Variants in LINGO1 observed in about 807,000 individuals in gnomAD.
The protein encoded by LINGO1 is leucine rich repeat and Ig domain containing 1, also known as leucine-rich repeat and immunoglobulin-like domain-containing nogo receptor-interacting protein 1.
In LINGO1, 11 loss-of-function variants were observed where a neutral mutation model predicts 37.3. The ratio of observed to expected loss-of-function variants is 0.29; its 90% CI spans 0.19 to 0.49. LINGO1 has a LOEUF of 0.49. LINGO1 is among the 20% of genes least tolerant of loss of function. The pLI, the probability that LINGO1 is intolerant of heterozygous loss-of-function variation, is 0.99. For synonymous variants in LINGO1, 387 were observed against 403.0 expected (o/e 0.96, Z 0.48); for missense variants, 585 against 878.2 (o/e 0.67, Z 4.22).
intron 3 of LINGO1, among the ~76,000 whole-genome samples, chr15:77,664,130 A>AGT (rs774494605): frequency 0.065 from 8,432 of 130,226 alleles, 317 homozygotes; most frequent in East Asian, 0.18. Flanking sequence ...ACACAGGAGC[A>AGT]GTGTGTGTGT....
upstream of LINGO1, among the ~76,000 whole-genome samples, chr15:77,789,214 T>G (rs1326789255): frequency 2.0e-5 from 3 of 152,236 alleles, no homozygotes; most frequent in African/African-American, 7.2e-5. Flanking sequence ...TGTGATCTTA[T>G]TTGGAAATTG....
chr15:77,627,657 C>G (rs2074134986), intron 1 of LINGO1, among the ~76,000 whole-genome samples: 1 of 152,164 alleles, frequency 6.6e-6, no homozygotes, highest in African/African-American at 2.4e-5. Context: ...AATAATGAAA[C>G]ACAGGCTCCC....
chr15:77,775,583 C>T (rs959274499), intron 1 of LINGO1, among the ~76,000 whole-genome samples: 3 of 152,152 alleles, frequency 2.0e-5, no homozygotes, highest in African/African-American at 4.8e-5. Flanking sequence ...GGGCCCACCA[C>T]ACCCAGCTCT....
At chr15:77,735,349 C>A (rs1214933284) in intron 1 of LINGO1, among the ~76,000 whole-genome samples, 14 of 152,220 alleles carry the variant, frequency 9.2e-5, no homozygotes, top group Non-Finnish European at 1.8e-4. Flanking sequence ...AGACTTGCAG[C>A]GCAGCCCCCA....
chr15:77,684,222 C>T (rs961576050), intron 2 of LINGO1, among the ~76,000 whole-genome samples: 2 of 152,192 alleles, frequency 1.3e-5, no homozygotes, highest in Non-Finnish European at 2.9e-5. Flanking sequence ...AGGAAGTGCA[C>T]CTCGTTCACT....
intron 1 of LINGO1, among the ~76,000 whole-genome samples, chr15:77,812,936 G>T (rs761466275): frequency 2.0e-5 from 3 of 152,184 alleles, no homozygotes; most frequent in Non-Finnish European, 4.4e-5. Context: ...CAAATCCCCA[G>T]GCCTAAGGGA....
At chr15:77,671,992 G>C (rs2075257321) in intron 3 of LINGO1, among the ~76,000 whole-genome samples, 1 of 142,126 alleles carries the variant, frequency 7.0e-6, no homozygotes, top group African/African-American at 3.1e-5. Context: ...AACACATGAT[G>C]AGCCTCTGCC....
rs569054811 is a variant in LINGO1, at chr15:77,756,131, C to T, written c.-256-21078G>A. ...GGGAGGGCATGGGCCCAGGTACACG[C>T]AGAAGGGCCAGGCAGGCCCAGGCTA... On this transcript the variant is annotated intron_variant, in intron 1 of 3. Coordinates refer to the LINGO1 transcript ENST00000561686. Among the ~76,000 whole-genome samples the T allele has an allele frequency of 5.9e-5, 9 of 152,300 alleles. No individual in the cohort carries two copies. The East Asian group carries it at 1.5e-3, about 26-fold the overall frequency.
intron 2 of LINGO1, among the ~76,000 whole-genome samples, chr15:77,794,957 G>T (rs929730177): frequency 6.6e-6 from 1 of 152,116 alleles, no homozygotes; most frequent in African/African-American, 2.4e-5. Flanking sequence ...TGAGGACAGG[G>T]TTGGCTAAGC....
chr15:77,813,913 G>A (rs572589625), intron 1 of LINGO1, among the ~76,000 whole-genome samples: 1 of 152,330 alleles, frequency 6.6e-6, no homozygotes, highest in African/African-American at 2.4e-5. Context: ...GAAGGCTCAG[G>A]CCTGCTCGCC....
chr15:77,615,787 C>G lies in LINGO1; in HGVS notation c.120G>C (p.Thr40=), dbSNP rs758540036. Residue 40 remains threonine (T), a synonymous_variant, in exon 2 of 2, where the codon ACG becomes ACC. Coordinates refer to ENST00000355300, the MANE Select transcript of LINGO1 (RefSeq NM_032808.7). ...AGCACTCGCAGCGGGGCGGGCAGCC[C>G]GTGGCCGAGCCTGACAGCACTGAGC... is the stretch of plus-strand genomic sequence containing the variant. ...VLGSVLSGSA[T]GCPPRCECSA... The G allele has an allele frequency of 6.4e-6, 10 of 1,565,822 alleles. No individual in the cohort carries two copies. Among genetic ancestry groups the G allele is most frequent in the Non-Finnish European group, 8.6e-6 (10 of 1,163,172 alleles).
rs796270022 is a variant in LINGO1, at chr15:77,664,174, C to G, written c.-13+12915G>C. ...GTGTGTGTGTGTGTGTGTGTGTGCG[C>G]GCGCGCATGCGTTTGCATTCTCAGC... is the stretch of plus-strand genomic sequence containing the variant. On this transcript the variant is annotated intron_variant, in intron 3 of 3. Coordinates refer to the LINGO1 transcript ENST00000559893. Among the ~76,000 whole-genome samples the G allele has an allele frequency of 6.6e-4, 66 of 100,452 alleles. No individual in the cohort carries two copies. The East Asian group carries it at 0.018, about 28-fold the overall frequency. 65.9% of individuals were successfully genotyped at this position (100,452 alleles called of 152,430 possible).
intron 1 of LINGO1, among the ~76,000 whole-genome samples, chr15:77,753,323 T>C (rs1414780798): frequency 6.6e-6 from 1 of 152,200 alleles, no homozygotes; most frequent in Non-Finnish European, 1.5e-5. Flanking sequence ...CCGTGGGCCC[T>C]TGGATAAGTC....
intron 2 of LINGO1, among the ~76,000 whole-genome samples, chr15:77,710,654 G>A (rs549933398): frequency 2.0e-5 from 3 of 152,318 alleles, no homozygotes; most frequent in South Asian, 2.1e-4. Context: ...CCTTCACTTT[G>A]CCGCGGTGCT....
At chr15:77,799,789 G>GGTTTT (rs1365858746) in intron 1 of LINGO1, among the ~76,000 whole-genome samples, 1 of 149,940 alleles carries the variant, frequency 6.7e-6, no homozygotes, top group East Asian at 1.9e-4. Flanking sequence ...ATTTTTGGTG[G>GGTTTT]GTTTTGTTTT....
chr15:77,783,833 T>G (rs376453135), intron 1 of LINGO1, among the ~76,000 whole-genome samples: 2 of 152,188 alleles, frequency 1.3e-5, no homozygotes, highest in African/African-American at 4.8e-5. Flanking sequence ...GTGCTTTTTT[T>G]CCTCGGTGCT....
intron 1 of LINGO1, among the ~76,000 whole-genome samples, chr15:77,692,913 A>G (rs2075628986): frequency 6.6e-6 from 1 of 152,252 alleles, no homozygotes; most frequent in Admixed American, 6.5e-5. Context: ...AGACTTCACC[A>G]GAGGTCACAC....
At chr15:77,646,780 G>A (rs1241155969) in intron 3 of LINGO1, among the ~76,000 whole-genome samples, 1 of 152,200 alleles carries the variant, frequency 6.6e-6, no homozygotes, top group African/African-American at 2.4e-5. Context: ...AGCCAGGGAG[G>A]GTGGGCTCTT....
chr15:77,813,999 G>GCC (rs137888528), intron 1 of LINGO1, among the ~76,000 whole-genome samples: 12 of 151,872 alleles, frequency 7.9e-5, no homozygotes, highest in African/African-American at 2.7e-4. Flanking sequence ...CCCCTAGGAA[G>GCC]CCCCCCCAAT....
Sources: gnomAD v4.1 joint callset for allele counts (sites outside exome capture counted in the v4.1 genomes callset) on GRCh38, gnomAD v4.1.1 for gene constraint, MANE v1.5 for transcripts, NCBI Gene and HGNC (gene_info 2026-07-23, HGNC 2026-07-21) for gene names.